The following SGCZ variants were observed in gnomAD, a reference collection of about 807,000 sequenced individuals.
SGCZ encodes the protein zeta-sarcoglycan.
A neutral mutation model predicts 41.3 loss-of-function variants in SGCZ; 40 were observed. The ratio of observed to expected loss-of-function variants is 0.97; its 90% confidence interval spans 0.75 to 1.26. The LOEUF (loss-of-function observed/expected upper bound fraction) is 1.26, where lower values mean the gene tolerates loss of function less well. Among genes scored for constraint, SGCZ ranks in the 50% most tolerant of loss-of-function variants. The pLI, the probability that SGCZ is intolerant of heterozygous loss-of-function variation, is 0.00. For missense variants in SGCZ, 552 were observed against 369.8 expected (o/e 1.49, Z -4.04); for synonymous variants, 206 against 137.5 (o/e 1.50, Z -3.49).
intron 1 of SGCZ, among the ~76,000 whole-genome samples, chr8:15,078,884 T>C (rs1267331368): frequency 6.6e-6 from 1 of 152,170 alleles, no homozygotes; most frequent in Non-Finnish European, 1.5e-5. Context: ...CTTCAGTTTC[T>C]CTACTATAAG....
rs1351821121 is a variant in SGCZ, at chr8:14,726,285, C to T, written c.40-171359G>A. ...CTCAAAAAAAAAAAAAAATCATACG[C>T]GTGTGTGTGTGTATATGTGTAAATA... On this transcript the variant is annotated intron_variant, in intron 1 of 7. Coordinates refer to ENST00000382080, the MANE Select transcript of SGCZ (RefSeq NM_139167.4). 8.0e-5 allele frequency among the ~76,000 whole-genome samples: 10 copies of T among 125,254 alleles called. No individual in the cohort carries two copies. The South Asian group carries it at 1.0e-3, about 13-fold the overall frequency. 82.2% of individuals were successfully genotyped at this position (125,254 alleles called of 152,430 possible).
intron 1 of SGCZ, among the ~76,000 whole-genome samples, chr8:14,639,248 A>C (rs1018180870): frequency 1.3e-5 from 2 of 151,438 alleles, no homozygotes; most frequent in African/African-American, 2.4e-5. Flanking sequence ...GCAGCAATCC[A>C]CTCTTACTTA....
chr8:14,130,250 G>A (rs1802996761), intron 5 of SGCZ, among the ~76,000 whole-genome samples: 1 of 151,376 alleles, frequency 6.6e-6, no homozygotes, highest in Non-Finnish European at 1.5e-5. Flanking sequence ...TTTAATTACG[G>A]TGCAAAATAA....
chr8:15,145,115 C>T (rs1403389625), intron 1 of SGCZ, among the ~76,000 whole-genome samples: 2 of 152,176 alleles, frequency 1.3e-5, no homozygotes, highest in African/African-American at 2.4e-5. Flanking sequence ...GCAAATTATT[C>T]CCCAAGCCCT....
At chr8:14,126,468 A>AAAAAC (rs71209013) in intron 5 of SGCZ, among the ~76,000 whole-genome samples, 149,539 of 151,628 alleles carry the variant, frequency 0.99, 73,741 homozygotes, top group East Asian at 1. Context: ...ATTAAAAAGT[A>AAAAAC]AAAACAAAAC....
chr8:14,325,251 T>A (rs1802053235), intron 2 of SGCZ, among the ~76,000 whole-genome samples: 1 of 151,968 alleles, frequency 6.6e-6, no homozygotes, highest in Non-Finnish European at 1.5e-5. Flanking sequence ...GTTTGAGGAA[T>A]ATGGTGGAAG....
intron 1 of SGCZ, among the ~76,000 whole-genome samples, chr8:14,884,354 A>G (rs1017670702): frequency 4.6e-5 from 7 of 152,176 alleles, no homozygotes; most frequent in Non-Finnish European, 8.8e-5. Flanking sequence ...ACAGTGTGAT[A>G]TAACTACATA....
chr8:14,719,019 A>G (rs557746313), intron 1 of SGCZ, among the ~76,000 whole-genome samples: 4 of 99,238 alleles, frequency 4.0e-5, no homozygotes, highest in South Asian at 4.0e-4. Flanking sequence ...CCACCCCACA[A>G]CAGTCCCCAG....
chr8:14,790,297 T>C (rs1357045305), intron 1 of SGCZ, among the ~76,000 whole-genome samples: 1 of 152,150 alleles, frequency 6.6e-6, no homozygotes. Context: ...TATACGTAAA[T>C]TAAAATTGCA....
intron 2 of SGCZ, among the ~76,000 whole-genome samples, chr8:14,423,043 C>G (rs1799677657): frequency 6.6e-6 from 1 of 152,008 alleles, no homozygotes; most frequent in African/African-American, 2.4e-5. Context: ...CAAAACAAAA[C>G]AAAAACCACT....
intron 1 of SGCZ, among the ~76,000 whole-genome samples, chr8:15,225,077 A>G (rs1325572881): frequency 6.6e-6 from 1 of 152,216 alleles, no homozygotes; most frequent in Admixed American, 6.5e-5. Context: ...AGCATAAATA[A>G]TAAACTTAAT....
chr8:14,098,205 T>C (rs984152092), intron 7 of SGCZ, among the ~76,000 whole-genome samples: 7 of 152,186 alleles, frequency 4.6e-5, no homozygotes, highest in Admixed American at 1.3e-4. Flanking sequence ...TTACAGCTTG[T>C]GTTTATTGAT....
intron 3 of SGCZ, among the ~76,000 whole-genome samples, chr8:14,311,005 C>A (rs905169897): frequency 6.6e-6 from 1 of 152,126 alleles, no homozygotes; most frequent in Admixed American, 6.6e-5. Context: ...ACTATTGCTT[C>A]ACAGGATTTC....
At chr8:14,940,096 A>G (rs1485187497) in intron 1 of SGCZ, among the ~76,000 whole-genome samples, 1 of 152,166 alleles carries the variant, frequency 6.6e-6, no homozygotes, top group Non-Finnish European at 1.5e-5. Flanking sequence ...ACTGGAAAAC[A>G]TGTTCCTTTT....
At chr8:14,841,988 A>T (rs551295417) in intron 1 of SGCZ, among the ~76,000 whole-genome samples, 10 of 152,314 alleles carry the variant, frequency 6.6e-5, no homozygotes, top group South Asian at 6.2e-4. Context: ...TTATGTGGGT[A>T]TAAGTATGTG....
At chr8:14,681,080 A>G (rs1243839828) in intron 1 of SGCZ, among the ~76,000 whole-genome samples, 1 of 152,052 alleles carries the variant, frequency 6.6e-6, no homozygotes, top group African/African-American at 2.4e-5. Context: ...AATGAGCTAG[A>G]CAAATACATT....
intron 1 of SGCZ, among the ~76,000 whole-genome samples, chr8:14,595,885 C>A (rs1333137567): frequency 6.6e-6 from 1 of 151,940 alleles, no homozygotes; most frequent in Non-Finnish European, 1.5e-5. Context: ...GACTCTATGT[C>A]AGTTTAACTG....
At chr8:14,439,532 T>C (rs1297715913) in intron 2 of SGCZ, among the ~76,000 whole-genome samples, 1 of 151,520 alleles carries the variant, frequency 6.6e-6, no homozygotes, top group African/African-American at 2.4e-5. Context: ...CAACAATCTT[T>C]CCCAAAATAT....
At chr8:14,216,732 C>A (rs948144250) in intron 4 of SGCZ, among the ~76,000 whole-genome samples, 3 of 135,640 alleles carry the variant, frequency 2.2e-5, no homozygotes, top group African/African-American at 7.5e-5. Flanking sequence ...TAGAAGAAAT[C>A]TTAAAAAAAA....
Sources: allele counts gnomAD v4.1 joint callset (sites outside exome capture counted in the v4.1 genomes callset), GRCh38; gene constraint gnomAD v4.1.1; transcripts MANE v1.5; gene names NCBI Gene and HGNC (gene_info 2026-07-23, HGNC 2026-07-21).